Variants in ACAP2 observed in about 807,000 individuals in gnomAD.
ACAP2 encodes the protein arf-GAP with coiled-coil, ANK repeat and PH domain-containing protein 2.
In ACAP2, 39 loss-of-function variants were observed where a neutral mutation model predicts 115.8. The observed-to-expected ratio is 0.34, with a 90% confidence interval of 0.26 to 0.44. The LOEUF is 0.44. Among genes scored for constraint, ACAP2 ranks in the 20% least tolerant of loss-of-function variants. The pLI is 1.00. For missense variants in ACAP2, 662 were observed against 927.6 expected (o/e 0.71, Z 3.72); for synonymous variants, 289 against 315.8 (o/e 0.92, Z 0.90).
At chr3:195,420,647 A>G (rs1324906586) in intron 1 of ACAP2, among the ~76,000 whole-genome samples, 1 of 144,044 alleles carries the variant, frequency 6.9e-6, no homozygotes, top group Non-Finnish European at 1.5e-5. Context: ...CCGGCCTGCA[A>G]TTTTGTTTTT....
intron 8 of ACAP2, among the ~76,000 whole-genome samples, chr3:195,330,785 G>A (rs1372873041): frequency 5.3e-5 from 8 of 152,138 alleles, no homozygotes; most frequent in African/African-American, 1.9e-4. Context: ...GTGACCCTGC[G>A]ACTAAGGACT....
chr3:195,290,872 T>TAAAA (rs1213026557), intron 20 of ACAP2, among the ~76,000 whole-genome samples: 23 of 150,040 alleles, frequency 1.5e-4, no homozygotes, highest in South Asian at 4.2e-4. Context: ...AATAAATAAA[T>TAAAA]AAAAATAGCC....
chr3:195,290,096 G>A (rs1457403605), intron 20 of ACAP2, among the ~76,000 whole-genome samples: 1 of 152,140 alleles, frequency 6.6e-6, no homozygotes, highest in Non-Finnish European at 1.5e-5. Flanking sequence ...AATAATGGCT[G>A]GGCAAGGTAA....
intron 2 of ACAP2, among the ~76,000 whole-genome samples, chr3:195,383,582 T>C (rs1402091289): frequency 6.6e-6 from 1 of 151,716 alleles, no homozygotes; most frequent in African/African-American, 2.4e-5. Context: ...GTTTTTTTTT[T>C]CAATAATCTC....
chr3:195,408,373 A>C (rs2108805122), intron 1 of ACAP2, among the ~76,000 whole-genome samples: 1 of 152,336 alleles, frequency 6.6e-6, no homozygotes, highest in African/African-American at 2.4e-5. Context: ...CTGAGGCACA[A>C]AAATCACTTG....
At chr3:195,378,054 A>AAGAGGGAG (rs1339479856) in intron 4 of ACAP2, among the ~76,000 whole-genome samples, 2 of 135,216 alleles carry the variant, frequency 1.5e-5, no homozygotes. Context: ...AGTGAAAAAG[A>AAGAGGGAG]AGAGGGAGGG....
At chr3:195,432,338 GTGATCTATTT>G (rs1213621888) in intron 1 of ACAP2, among the ~76,000 whole-genome samples, 2 of 152,188 alleles carry the variant, frequency 1.3e-5, no homozygotes, top group Non-Finnish European at 1.5e-5. Flanking sequence ...ATGCAGGCCT[GTGATCTATTT>G]TGAGTTAATT....
At chr3:195,304,388 C>A (rs1013292368) in intron 13 of ACAP2, among the ~76,000 whole-genome samples, 1 of 152,100 alleles carries the variant, frequency 6.6e-6, no homozygotes, top group African/African-American at 2.4e-5. Flanking sequence ...GAACTAAGTA[C>A]ACAAACACAG....
At chr3:195,398,697 T>C (rs762639543) in intron 1 of ACAP2, among the ~76,000 whole-genome samples, 13 of 151,914 alleles carry the variant, frequency 8.6e-5, no homozygotes, top group Non-Finnish European at 1.6e-4. Flanking sequence ...TCTGCCTTCA[T>C]TGTTTTCAAA....
intron 4 of ACAP2, among the ~76,000 whole-genome samples, chr3:195,380,334 T>C (rs570377209): frequency 1.3e-5 from 2 of 152,346 alleles, no homozygotes; most frequent in African/African-American, 4.8e-5. Context: ...ATTATAAGTA[T>C]TGATATTTTT....
chr3:195,423,156 A>AG (rs1201601475), intron 1 of ACAP2, among the ~76,000 whole-genome samples: 2 of 152,184 alleles, frequency 1.3e-5, no homozygotes, highest in Non-Finnish European at 1.5e-5. Context: ...CAAATGATTC[A>AG]GAAAAAAAAA....
At chr3:195,423,723 C>A (rs1714377916) in intron 1 of ACAP2, among the ~76,000 whole-genome samples, 1 of 151,254 alleles carries the variant, frequency 6.6e-6, no homozygotes, top group Non-Finnish European at 1.5e-5. Flanking sequence ...AAAAACGCAA[C>A]CATAAACAAT....
chr3:195,420,035 T>G (rs1034343913), intron 1 of ACAP2, among the ~76,000 whole-genome samples: 1 of 152,202 alleles, frequency 6.6e-6, no homozygotes, highest in African/African-American at 2.4e-5. Flanking sequence ...GACATTGCAT[T>G]TATATTTATA....
rs374949657 is a variant in ACAP2 at position 195,320,832 on chromosome 3, A to G, written c.745-19T>C. 4.7e-4 allele frequency: 728 copies of G among 1,556,950 alleles called. 2 individuals carry two copies. In the African/African-American group the frequency reaches 8.7e-3, roughly 19 times the overall value. On this transcript the variant is annotated intron_variant, in intron 9 of 22. Transcript: ENST00000326793. ...AGAAATCCTACACAAAATAACACAT[A>G]AAGAAGTTCATATGACTTGACTAAG...
chr3:195,295,544 G>A, intron 17 of ACAP2, 164 bp downstream of exon 17: 1 of 762,628 alleles, frequency 1.3e-6, no homozygotes, highest in Non-Finnish European at 2.1e-6. Flanking sequence ...ATTGTTTAAA[G>A]TTAACTATTT....
chr3:195,340,439 A>T (rs1730791336), intron 6 of ACAP2, among the ~76,000 whole-genome samples: 1 of 152,078 alleles, frequency 6.6e-6, no homozygotes, highest in Non-Finnish European at 1.5e-5. Context: ...CTATAATAAC[A>T]GGTGGTGATT....
At chr3:195,324,235 A>G (rs545981067) in intron 9 of ACAP2, among the ~76,000 whole-genome samples, 1 of 152,338 alleles carries the variant, frequency 6.6e-6, no homozygotes, top group South Asian at 2.1e-4. Flanking sequence ...GCCAAAAATA[A>G]TTAAGACAGC....
chr3:195,340,124 A>G (rs1730771076), intron 6 of ACAP2, among the ~76,000 whole-genome samples: 1 of 151,482 alleles, frequency 6.6e-6, no homozygotes, highest in African/African-American at 2.4e-5. Flanking sequence ...TCATGAGAAG[A>G]CTTTAATACT....
At chr3:195,330,441 T>C (rs187562122) in intron 8 of ACAP2, among the ~76,000 whole-genome samples, 3 of 152,340 alleles carry the variant, frequency 2.0e-5, no homozygotes, top group Admixed American at 1.3e-4. Context: ...AATGATTAAA[T>C]GTTTTAAAAA....
Sources: gnomAD v4.1 joint callset for allele counts (sites outside exome capture counted in the v4.1 genomes callset) on GRCh38, gnomAD v4.1.1 for gene constraint, MANE v1.5 for transcripts, NCBI Gene and HGNC (gene_info 2026-07-23, HGNC 2026-07-21) for gene names.